Variants in DYNLT5 observed in about 807,000 individuals in gnomAD.
DYNLT5 encodes dynein light chain Tctex-type family member 5.
In DYNLT5, 25 loss-of-function variants were observed where a neutral mutation model predicts 19.3. The observed-to-expected ratio is 1.30, with a 90% CI of 0.95 to 1.81. DYNLT5 has a LOEUF of 1.81. Ranked by LOEUF, DYNLT5 falls within the 40% of genes most tolerant of loss-of-function variation. The pLI, the probability that DYNLT5 is intolerant of heterozygous loss-of-function variation, is 0.00. For synonymous variants in DYNLT5, 82 were observed against 68.9 expected (o/e 1.19, Z -0.94); for missense variants, 232 against 217.9 (o/e 1.06, Z -0.41).
chr1:66,765,658 T>TG (rs1202946139), intron 2 of DYNLT5, among the ~76,000 whole-genome samples: 1 of 148,108 alleles, frequency 6.8e-6, no homozygotes, highest in Non-Finnish European at 1.5e-5. Context: ...TTTTTTTTGA[T>TG]GGAGTCTTGC....
intron 2 of DYNLT5, among the ~76,000 whole-genome samples, chr1:66,755,500 A>C (rs1324339437): frequency 6.6e-6 from 1 of 152,154 alleles, no homozygotes; most frequent in Non-Finnish European, 1.5e-5. Flanking sequence ...TTAATAATAG[A>C]CTTTCGTTCT....
At chr1:66,776,133 C>G in intron 3 of DYNLT5, 146 bp from the exon 4 acceptor site, 1 of 1,064,994 alleles carries the variant, frequency 9.4e-7, no homozygotes, top group African/African-American at 1.6e-5. Context: ...GACAGGAAAC[C>G]TAATTAGAGC....
rs529819354 is a variant in DYNLT5 at position 66,778,973 on chromosome 1, G to A, written c.*1519G>A. On this transcript the variant is annotated 3_prime_UTR_variant, in exon 5 of 5. Transcript: ENST00000282670. ...CACATTGGTGAACATCTCCCTTCGT[G>A]GAACAACAGCGGGGGTAATCATATC... Among the ~76,000 whole-genome samples, 1 of 152,164 alleles carries A rather than the reference G, an allele frequency of 6.6e-6. No homozygotes were observed. Among genetic ancestry groups the A allele is most frequent in the South Asian group, 2.1e-4 (1 of 4,814 alleles).
chr1:66,767,049 C>T (rs972014224), intron 2 of DYNLT5, among the ~76,000 whole-genome samples: 4 of 151,896 alleles, frequency 2.6e-5, no homozygotes, highest in Non-Finnish European at 4.4e-5. Context: ...AGGCTTAATA[C>T]CTGAGTGATT....
intron 2 of DYNLT5, among the ~76,000 whole-genome samples, chr1:66,756,328 C>T (rs901335731): frequency 6.6e-6 from 1 of 152,144 alleles, no homozygotes; most frequent in Non-Finnish European, 1.5e-5. Context: ...GAGGCTCCCC[C>T]ACCCCATGCT....
chr1:66,763,293 A>G (rs924132223), intron 2 of DYNLT5, among the ~76,000 whole-genome samples: 2 of 152,256 alleles, frequency 1.3e-5, no homozygotes, highest in Non-Finnish European at 2.9e-5. Flanking sequence ...TTTCACTTAT[A>G]GAACACAGTA....
rs747247109 is a variant in DYNLT5, at chr1:66,770,411, G to A, written c.144G>A (p.Met48Ile). Residue 48 changes from methionine to isoleucine, a missense_variant, in exon 3 of 5, where the codon ATG becomes ATA. By Grantham distance (10) the Met-to-Ile change is conservative (BLOSUM62 1). Transcript: ENST00000282670. ...GTTCTATGAGTACTGTGTCTTATAT[G>A]GAAGAACCCAGTCAGCGTGATGATA... is the stretch of plus-strand genomic sequence containing the variant. ...IKDSMSTVSY[M>I]EEPSQRDDIS... The A allele has an allele frequency of 7.4e-6, 12 of 1,612,786 alleles. 1 individual carries two copies. Among genetic ancestry groups the A allele is most frequent in the South Asian group, 6.6e-5 (6 of 91,064 alleles).
intron 3 of DYNLT5, among the ~76,000 whole-genome samples, chr1:66,771,293 CT>C (rs1645203048): frequency 6.6e-6 from 1 of 152,194 alleles, no homozygotes; most frequent in South Asian, 2.1e-4. Context: ...TTCACAGTGC[CT>C]GTGGTGGACA....
At chr1:66,770,328 T>C in intron 2 of DYNLT5, 59 bp from the exon 3 acceptor site, 5 of 1,111,466 alleles carry the variant, frequency 4.5e-6, no homozygotes, top group Non-Finnish European at 6.8e-6. Flanking sequence ...AAAGCAATAT[T>C]GTATTTTGTT....
intron 2 of DYNLT5, among the ~76,000 whole-genome samples, chr1:66,754,984 A>C (rs1405551209): frequency 6.6e-6 from 1 of 152,170 alleles, no homozygotes. Flanking sequence ...CATTTTTGCT[A>C]TTTCAAAAAT....
chr1:66,754,520 C>A, intron 1 of DYNLT5, 136 bp from the exon 2 acceptor site: 1 of 787,616 alleles, frequency 1.3e-6, no homozygotes, highest in Non-Finnish European at 1.8e-6. Context: ...CTATATATTG[C>A]TCTTGAGGAA....
intron 3 of DYNLT5, 71 bp from the exon 4 acceptor site, chr1:66,776,208 G>A (rs74085099): frequency 3.9e-4 from 591 of 1,533,954 alleles, no homozygotes; most frequent in African/African-American, 3.7e-3. Context: ...ATACTCTTTT[G>A]ATTAGCCTAT....
intron 2 of DYNLT5, among the ~76,000 whole-genome samples, chr1:66,757,956 G>A (rs1429907216): frequency 1.3e-5 from 2 of 152,140 alleles, no homozygotes; most frequent in Non-Finnish European, 2.9e-5. Flanking sequence ...AGAAACCGTA[G>A]GGCCTGCAAA....
intron 3 of DYNLT5, among the ~76,000 whole-genome samples, chr1:66,774,284 T>C (rs548106233): frequency 1.2e-3 from 188 of 152,204 alleles, no homozygotes; most frequent in African/African-American, 3.9e-3. Context: ...ACTTGCAGTT[T>C]AAAATAAAAA....
chr1:66,755,697 T>C (rs2094634930), intron 2 of DYNLT5: 1 of 152,146 alleles, frequency 6.6e-6, no homozygotes, highest in Admixed American at 6.5e-5. Context: ...AGTCTGTGGA[T>C]TACACATACA....
chr1:66,767,734 G>T (rs1386266671), intron 2 of DYNLT5, among the ~76,000 whole-genome samples: 4 of 152,126 alleles, frequency 2.6e-5, no homozygotes, highest in African/African-American at 4.8e-5. Context: ...AAGTTCAGAG[G>T]CTTCTTTCTT....
At chr1:66,768,651 C>T (rs903812552) in intron 2 of DYNLT5, 2 of 152,128 alleles carry the variant, frequency 1.3e-5, no homozygotes, top group Non-Finnish European at 2.9e-5. Context: ...TTGGAATTTT[C>T]ACTCCAGCTA....
intron 2 of DYNLT5, among the ~76,000 whole-genome samples, chr1:66,757,468 C>G (rs2094638304): frequency 6.6e-6 from 1 of 152,118 alleles, no homozygotes; most frequent in Non-Finnish European, 1.5e-5. Flanking sequence ...ACATCTTAAG[C>G]TGGATCTTAT....
chr1:66,773,236 C>T (rs1340616784), intron 3 of DYNLT5, among the ~76,000 whole-genome samples: 10 of 152,088 alleles, frequency 6.6e-5, no homozygotes, highest in African/African-American at 2.4e-4. Flanking sequence ...ACTAGATTGG[C>T]GGCCATCTTT....
Sources: allele counts gnomAD v4.1 joint callset (sites outside exome capture counted in the v4.1 genomes callset), GRCh38; gene constraint gnomAD v4.1.1; transcripts MANE v1.5; gene names NCBI Gene and HGNC (gene_info 2026-07-23, HGNC 2026-07-21).